Variants in SLC9A9 observed in about 807,000 individuals in gnomAD.
SLC9A9 encodes the protein sodium/hydrogen exchanger 9.
Under a neutral mutation model 77.8 loss-of-function variants are expected in SLC9A9, and 62 were observed. That is an observed-to-expected ratio of 0.80 (90% CI 0.65 to 0.98). The LOEUF (loss-of-function observed/expected upper bound fraction) is 0.98, where lower values mean the gene tolerates loss of function less well. SLC9A9 is among the 50% of genes least tolerant of loss of function. The probability of loss-of-function intolerance (pLI) is 0.00; values close to 1 mark genes in which losing one functional copy is unlikely to be tolerated. For missense variants in SLC9A9, 775 were observed against 774.9 expected, an observed-to-expected ratio of 1.00 and a Z score of 0.00; for synonymous variants, 320 against 283.5, an observed-to-expected ratio of 1.13 and a Z score of -1.29.
At chr3:143,715,859 T>A (rs1175319523) in intron 4 of SLC9A9, among the ~76,000 whole-genome samples, 1 of 152,198 alleles carries the variant, frequency 6.6e-6, no homozygotes, top group Non-Finnish European at 1.5e-5. Context: ...CAAAACACTG[T>A]TTTGTAGGTC....
chr3:143,516,781 G>C (rs1451622050), intron 9 of SLC9A9, among the ~76,000 whole-genome samples: 1 of 152,092 alleles, frequency 6.6e-6, no homozygotes, highest in Non-Finnish European at 1.5e-5. Context: ...AATATGCTGA[G>C]AGTAAATTTG....
rs149743333 is a variant in SLC9A9, at chr3:143,572,391, C to A, written c.1000+1697G>T. 6.6e-3 allele frequency among the ~76,000 whole-genome samples: 996 copies of A among 152,002 alleles called. 4 individuals carry two copies. Among genetic ancestry groups the A allele is most frequent in the South Asian group, 0.017 (80 of 4,816 alleles). On this transcript the variant is annotated intron_variant, in intron 8 of 15. Transcript: ENST00000316549. ...TTAGGTGAGTTAAGATACTTCCTTACCTTTCTAGAAGGTCAAATATTTTTT... is the reference window on the plus strand; with the variant it reads ...TTAGGTGAGTTAAGATACTTCCTTAACTTTCTAGAAGGTCAAATATTTTTT...
At chr3:143,597,601 C>A (rs1374579371) in intron 6 of SLC9A9, among the ~76,000 whole-genome samples, 2 of 152,198 alleles carry the variant, frequency 1.3e-5, no homozygotes, top group African/African-American at 4.8e-5. Context: ...CATATTCACC[C>A]GCCTGTGGCC....
intron 6 of SLC9A9, among the ~76,000 whole-genome samples, chr3:143,598,786 T>C (rs1490930120): frequency 2.0e-5 from 3 of 152,266 alleles, no homozygotes; most frequent in Non-Finnish European, 2.9e-5. Flanking sequence ...TGCCTGCTGC[T>C]GCCCTTGTCC....
rs80152353 is a variant in SLC9A9, at chr3:143,444,509, C to T, written c.1469+22528G>A. On this transcript the variant is annotated intron_variant, in intron 12 of 15. Coordinates refer to ENST00000316549, the MANE Select transcript of SLC9A9 (RefSeq NM_173653.4). ...ATGCCCCACCTTTCCCCAACACACA[C>T]GTACATACCTACTTTTTCAGACTCT... Among the ~76,000 whole-genome samples, 207 of 152,288 alleles carry T rather than the reference C, an allele frequency of 1.4e-3. 3 individuals are homozygous for T. Among genetic ancestry groups the T allele is most frequent in the African/African-American group, 4.8e-3 (200 of 41,558 alleles).
chr3:143,280,514 A>G (rs1938183639), intron 14 of SLC9A9, among the ~76,000 whole-genome samples: 1 of 150,790 alleles, frequency 6.6e-6, no homozygotes, highest in African/African-American at 2.4e-5. Flanking sequence ...AAGCCTTTTT[A>G]AAACATCTGG....
At chr3:143,640,494 T>C (rs1200527972) in intron 6 of SLC9A9, among the ~76,000 whole-genome samples, 1 of 152,036 alleles carries the variant, frequency 6.6e-6, no homozygotes, top group Admixed American at 6.6e-5. Context: ...GGGGATAAAA[T>C]GAATGAGGAG....
intron 4 of SLC9A9, among the ~76,000 whole-genome samples, chr3:143,775,249 T>A (rs1223592490): frequency 6.6e-6 from 1 of 152,216 alleles, no homozygotes; most frequent in East Asian, 1.9e-4. Context: ...TGAGATTAAA[T>A]GAACCAATGC....
intron 12 of SLC9A9, among the ~76,000 whole-genome samples, chr3:143,407,961 C>T (rs570580377): frequency 9.9e-5 from 15 of 152,250 alleles, no homozygotes; most frequent in Non-Finnish European, 1.9e-4. Context: ...TTGGGAAGCC[C>T]AGGATCAAGA....
At chr3:143,699,186 A>G (rs1049050611) in intron 4 of SLC9A9, among the ~76,000 whole-genome samples, 1 of 152,214 alleles carries the variant, frequency 6.6e-6, no homozygotes, top group African/African-American at 2.4e-5. Context: ...ACATTGACTC[A>G]TTCATTCAAC....
At chr3:143,293,539 A>G (rs1213106615) in intron 14 of SLC9A9, among the ~76,000 whole-genome samples, 1 of 152,190 alleles carries the variant, frequency 6.6e-6, no homozygotes, top group Non-Finnish European at 1.5e-5. Flanking sequence ...AATTGCCCTC[A>G]GTATTGCCAG....
chr3:143,735,028 A>C (rs1046174931), intron 4 of SLC9A9, among the ~76,000 whole-genome samples: 1 of 152,210 alleles, frequency 6.6e-6, no homozygotes, highest in Non-Finnish European at 1.5e-5. Context: ...AAGAAATGAG[A>C]ATAATTAGCA....
intron 12 of SLC9A9, among the ~76,000 whole-genome samples, chr3:143,435,158 ATATTT>A (rs149634036): frequency 0.01 from 1,590 of 152,112 alleles, 24 homozygotes; most frequent in African/African-American, 0.036. Context: ...ATATTATCTA[ATATTT>A]TATATTACAA....
chr3:143,739,362 C>G (rs936903759), intron 4 of SLC9A9, among the ~76,000 whole-genome samples: 1 of 152,122 alleles, frequency 6.6e-6, no homozygotes, highest in Admixed American at 6.5e-5. Flanking sequence ...ATATATTTCC[C>G]GTTATCCCAT....
At chr3:143,499,399 A>T (rs1229307456) in intron 9 of SLC9A9, among the ~76,000 whole-genome samples, 3 of 152,018 alleles carry the variant, frequency 2.0e-5, no homozygotes, top group Admixed American at 2.0e-4. Flanking sequence ...TCTTGTTATT[A>T]TTGTAAATAG....
intron 6 of SLC9A9, among the ~76,000 whole-genome samples, chr3:143,646,539 C>CTTTTTTTTTTTTTTTTTTTT (rs2038710776): frequency 6.6e-6 from 1 of 151,026 alleles, no homozygotes; most frequent in African/African-American, 2.4e-5. Context: ...TATATTTTTT[C>CTTTTTTTTTTTTTTTTTTTT]TTTATTATTT....
intron 4 of SLC9A9, among the ~76,000 whole-genome samples, chr3:143,758,579 C>A (rs2007006722): frequency 6.6e-6 from 1 of 151,992 alleles, no homozygotes; most frequent in Non-Finnish European, 1.5e-5. Flanking sequence ...AGAAAACAAG[C>A]CAAGGTGGGG....
At chr3:143,636,797 A>G (rs1172845124) in intron 6 of SLC9A9, among the ~76,000 whole-genome samples, 5 of 152,220 alleles carry the variant, frequency 3.3e-5, no homozygotes, top group Non-Finnish European at 7.3e-5. Context: ...AGTGAGCCTG[A>G]CAACATGCAG....
chr3:143,616,199 T>A (rs2038104344), intron 6 of SLC9A9, among the ~76,000 whole-genome samples: 1 of 152,152 alleles, frequency 6.6e-6, no homozygotes, highest in Non-Finnish European at 1.5e-5. Context: ...TCATATTCTT[T>A]ACAGTACAAT....
Sources: gnomAD v4.1 joint callset for allele counts (sites outside exome capture counted in the v4.1 genomes callset) on GRCh38, gnomAD v4.1.1 for gene constraint, MANE v1.5 for transcripts, NCBI Gene and HGNC (gene_info 2026-07-23, HGNC 2026-07-21) for gene names.